ERO1A: variants seen among roughly 807,000 people sequenced by gnomAD.
ERO1A encodes endoplasmic reticulum oxidoreductase 1 alpha, also known as ERO1-like protein alpha.
ERO1A carries 49 observed loss-of-function variants against 76.9 expected under a neutral mutation model. That is an observed-to-expected ratio of 0.64 (90% CI 0.51 to 0.81). The LOEUF is 0.81. ERO1A is among the 30% of genes least tolerant of loss of function. ERO1A has a pLI of 0.00. For missense variants in ERO1A, 448 were observed against 542.1 expected, an observed-to-expected ratio of 0.83 and a Z score of 1.72; for synonymous variants, 174 against 181.2, an observed-to-expected ratio of 0.96 and a Z score of 0.32.
chr14:52,643,656 G>GA, intron 15 of ERO1A, 26 bp from the exon 16 acceptor site: 1 of 1,254,350 alleles, frequency 8.0e-7, no homozygotes, highest in East Asian at 2.8e-5. Flanking sequence ...ATTTCACTCA[G>GA]AAACCATCTT....
At chr14:52,667,602 G>C (rs2040455048) in intron 6 of ERO1A, among the ~76,000 whole-genome samples, 1 of 151,904 alleles carries the variant, frequency 6.6e-6, no homozygotes, top group African/African-American at 2.4e-5. Context: ...CGTGCCTGTG[G>C]TCCCAGCTAC....
chr14:52,674,853 T>A (rs138672991), intron 4 of ERO1A, among the ~76,000 whole-genome samples: 3 of 152,208 alleles, frequency 2.0e-5, no homozygotes, highest in Non-Finnish European at 4.4e-5. Flanking sequence ...CACTTAAGAT[T>A]TGCACATTTC....
intron 6 of ERO1A, 65 bp from the exon 7 acceptor site, chr14:52,666,560 A>C: frequency 1.4e-6 from 2 of 1,389,086 alleles, no homozygotes; most frequent in Admixed American, 4.7e-5. Flanking sequence ...CTACTACACA[A>C]GACTGTATTC....
At position 52,671,681 on chromosome 14, in the gene ERO1A, G is replaced by C. The variant is rs779201951; in HGVS notation, c.457C>G (p.Leu153Val). ...SLSEETQKAV[L>V]QWTKHDDSSD... is the part of the protein sequence containing the mutation. ...GAATCATCATGCTTGGTCCACTGAA[G>C]AACAGCCTTCTGTGTTTCCTCACTT... The change falls in exon 6 of 16, where the codon CTT becomes GTT. Residue 153 changes from leucine (L) to valine (V), a missense_variant. Physicochemically the swap from Leu to Val is conservative, Grantham distance 32. Coordinates refer to ENST00000395686, the MANE Select transcript of ERO1A (RefSeq NM_014584.3). 1 of 1,607,382 alleles carries C rather than the reference G, an allele frequency of 6.2e-7. No individual in the cohort carries two copies. The highest frequency in any genetic ancestry group is 1.3e-5 in the African/African-American group (1 of 74,774).
intron 2 of ERO1A, among the ~76,000 whole-genome samples, 181 bp downstream of exon 2, chr14:52,683,607 T>C (rs1293793471): frequency 6.6e-6 from 1 of 152,210 alleles, no homozygotes; most frequent in Non-Finnish European, 1.5e-5. Context: ...AAAATTCAGT[T>C]ATTAAAATTA....
In ERO1A at chr14:52,658,145, T is replaced by C. The variant is rs765743043; in HGVS notation, c.694A>G (p.Thr232Ala). 5.3e-6 allele frequency: 8 copies of C among 1,500,008 alleles called. No homozygotes were observed. The highest frequency in any genetic ancestry group is 4.8e-5 in the South Asian group (4 of 83,024). 92.9% of individuals were successfully genotyped at this position (1,500,008 alleles called of 1,614,324 possible). A position where few individuals can be genotyped will look rare whatever the true frequency, so the allele number is the denominator to read the frequency against. The part of the protein sequence containing the change: ...ASGQGTSEEN[T>A]FYSWLEGLCV... ...TTACCTTCTAGCCAACTGTAAAAAG[T>C]GTTCTCTGAAATCAAAAGAAAAATA... Residue 232 changes from threonine to alanine, a missense_variant, in exon 10 of 16, where the codon ACT (threonine) becomes GCT (alanine). By Grantham distance (58) the Thr-to-Ala change is moderately conservative. This residue lies in a region of ERO1A where 302 missense variants were observed against 411.9 expected (regional missense o/e 0.73). Coordinates refer to ENST00000395686, the MANE Select transcript of ERO1A (RefSeq NM_014584.3).
At chr14:52,686,361 A>G (rs2041175885) in intron 1 of ERO1A, among the ~76,000 whole-genome samples, 1 of 152,180 alleles carries the variant, frequency 6.6e-6, no homozygotes, top group East Asian at 1.9e-4. Context: ...GCCCCAGAGT[A>G]CACAAGCACA....
chr14:52,695,463 A>G lies in ERO1A; in HGVS notation c.19T>C (p.Phe7Leu). The change falls in exon 1 of 16, where the codon TTC becomes CTC. Residue 7 changes from phenylalanine to leucine, a missense_variant. By Grantham distance (22) the Phe-to-Leu change is conservative. Around this residue, in one of 2 missense-constraint regions of ERO1A, gnomAD observed 146 missense variants for 130.2 expected, o/e 1.12. Coordinates refer to ENST00000395686, the MANE Select transcript of ERO1A (RefSeq NM_014584.3). Reference sequence around the variant, plus strand: ...ACGGCGCCCAGGAGGCCAAACAAGAATCCCCAGCCGCGGCCCATTGCAGCT... The same window carrying G: ...ACGGCGCCCAGGAGGCCAAACAAGAGTCCCCAGCCGCGGCCCATTGCAGCT... MGRGWG[F>L]LFGLLGAVWL... is the part of the protein sequence containing the mutation. The G allele has an allele frequency of 6.5e-7, 1 of 1,534,204 alleles. No homozygotes were observed. Among genetic ancestry groups the G allele is most frequent in the Non-Finnish European group, 8.8e-7 (1 of 1,139,232 alleles).
chr14:52,676,998 G>C (rs1372691709), intron 4 of ERO1A, among the ~76,000 whole-genome samples: 2 of 152,020 alleles, frequency 1.3e-5, no homozygotes, highest in East Asian at 1.9e-4. Context: ...AAGGATGTCA[G>C]GACAACAGGT....
chr14:52,673,747 C>CT (rs35558820), intron 4 of ERO1A, among the ~76,000 whole-genome samples: 142,107 of 151,680 alleles, frequency 0.94, 66,607 homozygotes, highest in East Asian at 0.99. Context: ...ACAATTACTC[C>CT]TTTTTTTTGA....
rs555742422 is a variant in ERO1A, at chr14:52,672,797, A to C, written c.358-926T>G. Reference sequence around the variant, plus strand: ...TGACCAAAAAAAAAAAAAAAAACAAAAAACAAACAAACAAAAAAAATTTGG... The same window carrying C: ...TGACCAAAAAAAAAAAAAAAAACAACAAACAAACAAACAAAAAAAATTTGG... On this transcript the variant is annotated intron_variant, in intron 4 of 15. Transcript: ENST00000395686. 1.2e-3 allele frequency among the ~76,000 whole-genome samples: 176 copies of C among 151,110 alleles called. 1 individual carries two copies. The highest frequency in any genetic ancestry group is 1.4e-3 in the African/African-American group (56 of 41,350).
intron 13 of ERO1A, 82 bp from the exon 14 acceptor site, chr14:52,646,543 T>A: frequency 9.4e-7 from 1 of 1,060,332 alleles, no homozygotes; most frequent in Non-Finnish European, 1.4e-6. Context: ...TCTATGTGCC[T>A]AACACTGTGC....
intron 9 of ERO1A, 138 bp from the exon 10 acceptor site, chr14:52,658,288 T>C (rs984208805): frequency 2.9e-5 from 18 of 624,806 alleles, no homozygotes; most frequent in Middle Eastern, 4.4e-4. Context: ...CAAGTCTTAA[T>C]TGCAATTTCT....
chr14:52,661,524 T>G (rs1409657744), intron 8 of ERO1A, among the ~76,000 whole-genome samples: 8 of 152,150 alleles, frequency 5.3e-5, no homozygotes, highest in Admixed American at 3.3e-4. Flanking sequence ...TCTCCATGAG[T>G]GTACATAAAG....
At position 52,671,885 on chromosome 14, in the gene ERO1A, G is replaced by C. The variant is rs748461352; in HGVS notation, c.358-14C>G. 1 of 1,505,114 alleles carries C rather than the reference G, an allele frequency of 6.6e-7. No homozygotes were observed. Among genetic ancestry groups the C allele is most frequent in the East Asian group, 2.3e-5 (1 of 44,042 alleles). 93.2% of individuals were successfully genotyped at this position (1,505,114 alleles called of 1,614,324 possible). ...TTCTTCAGAATACTAAAATGAAAAA[G>C]GGAATAAATAGATAATAACTTATTG... is the stretch of plus-strand genomic sequence containing the variant. On this transcript the variant is annotated splice_polypyrimidine_tract_variant and intron_variant, in intron 4 of 15. Transcript: ENST00000395686.
Position 52,668,776 on chromosome 14 carries a change from CTATAAT to C in ERO1A, c.509-2287_509-2282del, listed in dbSNP as rs202109507. On this transcript the variant is annotated intron_variant, in intron 6 of 15. Coordinates refer to ENST00000395686, the MANE Select transcript of ERO1A (RefSeq NM_014584.3). ...TTATATTACAAATCTTATAATTATA[CTATAAT>C]TATAATTATAATTATACAATTATAT... Among the ~76,000 whole-genome samples, 889 of 147,778 alleles carry C rather than the reference CTATAAT, an allele frequency of 6.0e-3. 28 individuals carry two copies. Among genetic ancestry groups the C allele is most frequent in the Admixed American group, 0.046 (683 of 14,776 alleles).
chr14:52,688,987 T>C (rs904184356), intron 1 of ERO1A, among the ~76,000 whole-genome samples: 2 of 152,200 alleles, frequency 1.3e-5, no homozygotes, highest in African/African-American at 4.8e-5. Context: ...CGGAGTTTTA[T>C]TCTTATTGCC....
chr14:52,686,573 T>A (rs1056092233), intron 1 of ERO1A, among the ~76,000 whole-genome samples: 2 of 110,786 alleles, frequency 1.8e-5, no homozygotes, highest in African/African-American at 8.1e-5. Context: ...AAATGGTAGA[T>A]TGGTAGATTT....
In ERO1A at chr14:52,647,929, C is replaced by G. The variant is rs151337614; in HGVS notation, c.1126-1468G>C. On this transcript the variant is annotated intron_variant, in intron 13 of 15. Coordinates refer to ENST00000395686, the MANE Select transcript of ERO1A (RefSeq NM_014584.3). ...GCTCAACCAGATGAAGGCAGGACCACAAATCTAAAATAGGAATAAATCAAT... is the reference window on the plus strand; with the variant it reads ...GCTCAACCAGATGAAGGCAGGACCAGAAATCTAAAATAGGAATAAATCAAT... Among the ~76,000 whole-genome samples the G allele has an allele frequency of 1.3e-3, 192 of 152,244 alleles. 1 individual carries two copies. The highest frequency in any genetic ancestry group is 4.3e-3 in the African/African-American group (179 of 41,562).
Sources: allele counts gnomAD v4.1 joint callset (sites outside exome capture counted in the v4.1 genomes callset), GRCh38; gene constraint gnomAD v4.1.1; regional missense constraint gnomAD v4.1.1; transcripts MANE v1.5; gene names NCBI Gene and HGNC (gene_info 2026-07-23, HGNC 2026-07-21).